FAM118B: variants seen among roughly 807,000 people sequenced by gnomAD.
FAM118B encodes SIR2 antiphage like 1, also known as protein FAM118B.
A neutral mutation model predicts 38.5 loss-of-function variants in FAM118B; 24 were observed. That is an observed-to-expected ratio of 0.62 (90% CI 0.45 to 0.88). FAM118B has a LOEUF of 0.88. Among genes scored for constraint, FAM118B ranks in the 40% least tolerant of loss-of-function variants. The pLI is 0.00. For missense variants in FAM118B, 334 were observed against 420.0 expected (o/e 0.80, Z 1.79); for synonymous variants, 138 against 156.3 (o/e 0.88, Z 0.87).
At chr11:126,254,940 CTTTG>C (rs548989788) in intron 6 of FAM118B, among the ~76,000 whole-genome samples, 3,166 of 152,148 alleles carry the variant, frequency 0.021, 45 homozygotes, top group Non-Finnish European at 0.033. Flanking sequence ...ACCCTATGAT[CTTTG>C]TTTGTACTTA....
chr11:126,214,488 C>CTTTTTTTTTTTTTTTTTT (rs1565322268), intron 1 of FAM118B: 4 of 34,874 alleles, frequency 1.1e-4, no homozygotes, highest in South Asian at 1.1e-3. Context: ...TCTTTTGTTT[C>CTTTTTTTTTTTTTTTTTT]TGTTTTTTTT....
intron 4 of FAM118B, among the ~76,000 whole-genome samples, chr11:126,242,669 T>G (rs187562934): frequency 1.2e-3 from 178 of 152,202 alleles, no homozygotes; most frequent in Admixed American, 4.9e-3. Context: ...AAAATACAAA[T>G]CAAAACCACA....
chr11:126,224,838 A>T (rs1950118688), intron 1 of FAM118B, among the ~76,000 whole-genome samples: 1 of 152,232 alleles, frequency 6.6e-6, no homozygotes. Flanking sequence ...TCCTCAGTCA[A>T]TTTCAAAAAG....
intron 2 of FAM118B, among the ~76,000 whole-genome samples, chr11:126,230,125 A>G (rs1034779743): frequency 5.3e-5 from 8 of 152,216 alleles, no homozygotes; most frequent in African/African-American, 1.7e-4. Context: ...TGGCACAGCT[A>G]GACATGATTC....
In FAM118B at chr11:126,214,514, G is replaced by GTTTTTTTTT. The variant is rs71048770; in HGVS notation, c.-77+2689_-77+2697dup. ...TGTTTTTTTTTTTTGTTTTTTTTTT[G>GTTTTTTTTT]TTTTTTTTTTTTTACCTCTATATTG... On this transcript the variant is annotated intron_variant, in intron 1 of 8. Transcript: ENST00000533050. 102 of 41,500 alleles carry GTTTTTTTTT rather than the reference G, an allele frequency of 2.5e-3. 14 individuals are homozygous for GTTTTTTTTT. Among genetic ancestry groups the GTTTTTTTTT allele is most frequent in the Non-Finnish European group, 4.5e-3 (84 of 18,808 alleles). 2.6% of individuals were successfully genotyped at this position (41,500 alleles called of 1,614,324 possible).
intron 1 of FAM118B, among the ~76,000 whole-genome samples, chr11:126,220,061 T>C (rs1004528699): frequency 2.0e-5 from 3 of 152,190 alleles, no homozygotes; most frequent in African/African-American, 7.2e-5. Context: ...TTCCGAGAGT[T>C]CCTCTTAAAA....
intron 4 of FAM118B, 126 bp downstream of exon 4, chr11:126,241,170 G>A: frequency 9.4e-7 from 1 of 1,066,496 alleles, no homozygotes; most frequent in South Asian, 1.7e-5. Flanking sequence ...CAGCTTGTAG[G>A]TTTCCATAAC....
At position 126,256,013 on chromosome 11, in the gene FAM118B, G is replaced by GT. The variant is rs1950573104; in HGVS notation, c.697-553dup. Among the ~76,000 whole-genome samples the GT allele has an allele frequency of 6.6e-6, 1 of 152,154 alleles. No individual in the cohort carries two copies. Among genetic ancestry groups the GT allele is most frequent in the Non-Finnish European group, 1.5e-5 (1 of 68,046 alleles). On this transcript the variant is annotated intron_variant, in intron 6 of 8. Transcript: ENST00000533050. This position sits in a 1 kb window ranked among gnomAD's most constrained non-coding sequence, Gnocchi z 6.6. The stretch of plus-strand genomic sequence containing the variant: ...TGGCCAAGTGCAGTGGCTCACGCCT[G>GT]TAATCCCAGCACTTTGGGAGGCCAA...
chr11:126,231,215 G>A (rs769337907), intron 2 of FAM118B, among the ~76,000 whole-genome samples: 52 of 152,116 alleles, frequency 3.4e-4, no homozygotes, highest in Non-Finnish European at 6.3e-4. Flanking sequence ...CAGTAATTGA[G>A]GTAATGAAGA....
Position 126,244,030 on chromosome 11 carries a change from AT to A in FAM118B, c.339+2994del, listed in dbSNP as rs1184718758. Among the ~76,000 whole-genome samples the A allele has an allele frequency of 6.6e-6, 1 of 152,082 alleles. No homozygotes were observed. Among genetic ancestry groups the A allele is most frequent in the Non-Finnish European group, 1.5e-5 (1 of 68,010 alleles). Reference sequence around the variant, plus strand: ...TAGCAAAATGCAACACTCTTTCATGATTTTTTTTAAAAAAGCCACACTCTAC... The same window carrying A: ...TAGCAAAATGCAACACTCTTTCATGATTTTTTTAAAAAAGCCACACTCTAC... On this transcript the variant is annotated intron_variant, in intron 4 of 8. Coordinates refer to ENST00000533050, the MANE Select transcript of FAM118B (RefSeq NM_024556.4). This position sits in a 1 kb window ranked among gnomAD's most constrained non-coding sequence, Gnocchi z 4.5.
intron 6 of FAM118B, 149 bp downstream of exon 6, chr11:126,254,582 C>T: frequency 9.0e-7 from 1 of 1,107,782 alleles, no homozygotes; most frequent in Middle Eastern, 2.1e-4. Context: ...CCTATAATCC[C>T]AACACTTTGG....
Position 126,262,339 on chromosome 11 carries a change from T to C in FAM118B, c.*206T>C. 1 of 465,446 alleles carries C rather than the reference T, an allele frequency of 2.1e-6. No homozygotes were observed. Among genetic ancestry groups the C allele is most frequent in the Non-Finnish European group, 3.9e-6 (1 of 256,168 alleles). 28.8% of individuals were successfully genotyped at this position (465,446 alleles called of 1,614,324 possible). A position where few individuals can be genotyped will look rare whatever the true frequency, so the allele number is the denominator to read the frequency against. On this transcript the variant is annotated 3_prime_UTR_variant, in exon 9 of 9. Coordinates refer to ENST00000533050, the MANE Select transcript of FAM118B (RefSeq NM_024556.4). The stretch of plus-strand genomic sequence containing the variant: ...TTGATATTCTGCCGCCTGTTCAAGT[T>C]CAAGAATAAAAGCGACAGCAGGACC...
At chr11:126,226,068 C>G (rs1591505805) in intron 1 of FAM118B, among the ~76,000 whole-genome samples, 1 of 151,470 alleles carries the variant, frequency 6.6e-6, no homozygotes, top group African/African-American at 2.4e-5. Context: ...CAAAAAGGAA[C>G]ATGGCGCAAG....
rs1434399224 is a variant in FAM118B at position 126,261,494 on chromosome 11, T to C, written c.1042+10T>C. On this transcript the variant is annotated intron_variant, in intron 8 of 8. Coordinates refer to ENST00000533050, the MANE Select transcript of FAM118B (RefSeq NM_024556.4). ...CACAGTGAAATAAGAGGTATACTGT[T>C]TCCTATTCTACTATTTATCACTCTG... The C allele has an allele frequency of 6.2e-7, 1 of 1,605,266 alleles. No homozygotes were observed. The highest frequency in any genetic ancestry group is 1.3e-5 in the African/African-American group (1 of 74,770).
At chr11:126,231,264 A>G (rs1357389705) in intron 2 of FAM118B, among the ~76,000 whole-genome samples, 1 of 152,228 alleles carries the variant, frequency 6.6e-6, no homozygotes, top group African/African-American at 2.4e-5. Flanking sequence ...CTTGTGGCAG[A>G]AAAACATTTT....
In FAM118B at chr11:126,247,590, T is replaced by C. The variant is rs553587997; in HGVS notation, c.340-2916T>C. Among the ~76,000 whole-genome samples, 61 of 152,216 alleles carry C rather than the reference T, an allele frequency of 4.0e-4. 2 individuals carry two copies. The highest frequency in any genetic ancestry group is 1.4e-3 in the African/African-American group (57 of 41,546). On this transcript the variant is annotated intron_variant, in intron 4 of 8. Coordinates refer to ENST00000533050, the MANE Select transcript of FAM118B (RefSeq NM_024556.4). The stretch of plus-strand genomic sequence containing the variant: ...ATGTAGTACGTATTTGCCAGCGCGG[T>C]GGCTCACGCCTGCAATCCCAACACT...
At chr11:126,259,672 G>T (rs1336684158) in intron 7 of FAM118B, among the ~76,000 whole-genome samples, 19 of 147,254 alleles carry the variant, frequency 1.3e-4, no homozygotes, top group Non-Finnish European at 4.5e-5. Flanking sequence ...TGATCCACCC[G>T]CCCTGGCCTC....
chr11:126,242,828 T>C (rs1233657110), intron 4 of FAM118B, among the ~76,000 whole-genome samples: 1 of 152,214 alleles, frequency 6.6e-6, no homozygotes, highest in Non-Finnish European at 1.5e-5. Flanking sequence ...CTCAAAAAGT[T>C]GAACAGTGAT....
chr11:126,261,490 C>A lies in FAM118B; in HGVS notation c.1042+6C>A, dbSNP rs771780788. ...AGCACACAGTGAAATAAGAGGTATA[C>A]TGTTTCCTATTCTACTATTTATCAC... On this transcript the variant is annotated splice_donor_region_variant and intron_variant, in intron 8 of 8. Coordinates refer to ENST00000533050, the MANE Select transcript of FAM118B (RefSeq NM_024556.4). 5.0e-6 allele frequency: 8 copies of A among 1,609,776 alleles called. No individual in the cohort carries two copies. Among genetic ancestry groups the A allele is most frequent in the Non-Finnish European group, 6.0e-6 (7 of 1,176,048 alleles).
Sources: gnomAD v4.1 joint callset for allele counts (sites outside exome capture counted in the v4.1 genomes callset) on GRCh38, gnomAD v4.1.1 for gene constraint, Gnocchi (gnomAD v3.1) non-coding constraint, MANE v1.5 for transcripts, NCBI Gene and HGNC (gene_info 2026-07-23, HGNC 2026-07-21) for gene names.